Variants in DCC observed in about 807,000 individuals in gnomAD.
DCC encodes the protein netrin receptor DCC.
Under a neutral mutation model 172.5 loss-of-function variants are expected in DCC, and 58 were observed. The observed-to-expected ratio is 0.34, with a 90% CI of 0.27 to 0.42. The LOEUF (loss-of-function observed/expected upper bound fraction) is 0.42, where lower values mean the gene tolerates loss of function less well. Ranked by LOEUF, DCC falls within the 10% of genes least tolerant of loss-of-function variation. DCC has a pLI of 1.00. For missense variants in DCC, 1,740 were observed against 1,791.0 expected, an observed-to-expected ratio of 0.97 and a Z score of 0.51; for synonymous variants, 709 against 644.5, an observed-to-expected ratio of 1.10 and a Z score of -1.52.
At chr18:52,623,298 T>C (rs1002554519) in intron 1 of DCC, among the ~76,000 whole-genome samples, 12 of 152,320 alleles carry the variant, frequency 7.9e-5, no homozygotes, top group East Asian at 1.9e-4. Flanking sequence ...GAAGGAATAA[T>C]CAGCAGAACT....
chr18:53,496,837 A>G (rs7244049), intron 26 of DCC, among the ~76,000 whole-genome samples: 8,342 of 152,308 alleles, frequency 0.055, 623 homozygotes, highest in African/African-American at 0.17. Context: ...TGAAGCATAC[A>G]CAAGTATCAA....
At chr18:53,029,687 G>T (rs189056982) in intron 5 of DCC, among the ~76,000 whole-genome samples, 3 of 152,096 alleles carry the variant, frequency 2.0e-5, no homozygotes, top group East Asian at 3.9e-4. Context: ...ATTTGATTTT[G>T]ATTGAAGTAA....
chr18:53,184,017 A>ACC (rs1568352549), intron 9 of DCC, among the ~76,000 whole-genome samples: 63 of 151,554 alleles, frequency 4.2e-4, no homozygotes, highest in African/African-American at 1.4e-3. Flanking sequence ...AAAAAAAAAA[A>ACC]AAAAACTCCC....
rs9965447 is a variant in DCC, at chr18:52,530,466, G to A, written c.91+189588G>A. Among the ~76,000 whole-genome samples, 1,285 of 152,292 alleles carry A rather than the reference G, an allele frequency of 8.4e-3. 25 individuals are homozygous for A. Among genetic ancestry groups the A allele is most frequent in the African/African-American group, 0.03 (1,235 of 41,548 alleles). On this transcript the variant is annotated intron_variant, in intron 1 of 28. Transcript: ENST00000442544. ...ATAGTTACTAAACATTTCTTAGGAAGTCTCAGTTTTCTGAGATGCAAAATG... is the reference window on the plus strand; with the variant it reads ...ATAGTTACTAAACATTTCTTAGGAAATCTCAGTTTTCTGAGATGCAAAATG...
intron 22 of DCC, among the ~76,000 whole-genome samples, chr18:53,445,900 C>G (rs2145138871): frequency 6.6e-6 from 1 of 151,838 alleles, no homozygotes; most frequent in African/African-American, 2.4e-5. Context: ...CACTATTATG[C>G]TAACAGCAGA....
chr18:53,093,149 G>T (rs919673860), intron 7 of DCC, among the ~76,000 whole-genome samples: 3 of 152,092 alleles, frequency 2.0e-5, no homozygotes, highest in African/African-American at 7.2e-5. Context: ...GGGCGTGGGG[G>T]TGCATGCCTG....
Position 52,720,975 on chromosome 18 carries a change from C to T in DCC, c.92-31079C>T, listed in dbSNP as rs137992554. ...TCACATTGTCTTCCCAGCCGAAGCCCTCTTGTCTGAAGGATACCTAGTGTT... is the reference window on the plus strand; with the variant it reads ...TCACATTGTCTTCCCAGCCGAAGCCTTCTTGTCTGAAGGATACCTAGTGTT... On this transcript the variant is annotated intron_variant, in intron 1 of 28. Transcript: ENST00000442544. Among the ~76,000 whole-genome samples, 1,100 of 152,270 alleles carry T rather than the reference C, an allele frequency of 7.2e-3. 10 individuals are homozygous for T. Among genetic ancestry groups the T allele is most frequent in the African/African-American group, 0.026 (1,070 of 41,538 alleles).
At chr18:52,995,273 T>C (rs1473067751) in intron 5 of DCC, among the ~76,000 whole-genome samples, 3 of 152,098 alleles carry the variant, frequency 2.0e-5, no homozygotes, top group Non-Finnish European at 4.4e-5. Context: ...GTGGCACGTG[T>C]CAGGCTTCTT....
intron 14 of DCC, among the ~76,000 whole-genome samples, chr18:53,330,019 C>T (rs999450968): frequency 6.6e-6 from 1 of 152,122 alleles, no homozygotes; most frequent in Admixed American, 6.5e-5. Context: ...AAATGTTTTT[C>T]TTCTCTTACA....
chr18:52,944,416 C>G (rs545713141), intron 5 of DCC, among the ~76,000 whole-genome samples: 2 of 152,302 alleles, frequency 1.3e-5, no homozygotes, highest in Admixed American at 6.5e-5. Context: ...CCAAAACTAG[C>G]TGTGCAATTG....
At chr18:52,970,822 A>G (rs1045560882) in intron 5 of DCC, among the ~76,000 whole-genome samples, 6 of 152,172 alleles carry the variant, frequency 3.9e-5, no homozygotes, top group Admixed American at 3.9e-4. Context: ...AGTTAGTAAC[A>G]AGTGGAGCTT....
chr18:52,707,422 T>A (rs891442899), intron 1 of DCC, among the ~76,000 whole-genome samples: 1 of 152,192 alleles, frequency 6.6e-6, no homozygotes, highest in Non-Finnish European at 1.5e-5. Context: ...GAAAACTATA[T>A]ACAGCCATTA....
chr18:52,731,835 A>T (rs915842340), intron 1 of DCC, among the ~76,000 whole-genome samples: 1 of 152,174 alleles, frequency 6.6e-6, no homozygotes, highest in African/African-American at 2.4e-5. Context: ...TCAGACAATC[A>T]ATATGTTTCT....
chr18:52,551,275 G>A (rs909818326), intron 1 of DCC, among the ~76,000 whole-genome samples: 5 of 151,770 alleles, frequency 3.3e-5, no homozygotes, highest in South Asian at 2.1e-4. Context: ...AGGAGGGCTC[G>A]GAATAGAAAA....
At chr18:53,316,053 C>G (rs1316615689) in intron 13 of DCC, among the ~76,000 whole-genome samples, 2 of 152,182 alleles carry the variant, frequency 1.3e-5, no homozygotes, top group East Asian at 3.9e-4. Context: ...ATGCCTATGT[C>G]CTAGGTTTTC....
intron 5 of DCC, among the ~76,000 whole-genome samples, chr18:52,927,223 A>AGG (rs1435238278): frequency 1.7e-4 from 22 of 130,682 alleles, no homozygotes; most frequent in East Asian, 1.1e-3. Context: ...ATACACATAT[A>AGG]TGCACATATA....
chr18:53,005,280 G>A (rs1480950561), intron 5 of DCC, among the ~76,000 whole-genome samples: 2 of 152,222 alleles, frequency 1.3e-5, no homozygotes, highest in East Asian at 1.9e-4. Flanking sequence ...CAATTCTGTT[G>A]ACATTGGAAT....
At chr18:53,261,021 C>G (rs2056591433) in intron 12 of DCC, among the ~76,000 whole-genome samples, 1 of 152,152 alleles carries the variant, frequency 6.6e-6, no homozygotes, top group Non-Finnish European at 1.5e-5. Context: ...GATATAATCT[C>G]CTGGTGTGCC....
intron 1 of DCC, among the ~76,000 whole-genome samples, chr18:52,432,952 T>A (rs1292654283): frequency 1.3e-5 from 2 of 152,154 alleles, no homozygotes; most frequent in Admixed American, 6.6e-5. Flanking sequence ...CACTCTAACA[T>A]CTGGCCTTTC....
Sources: gnomAD v4.1 joint callset for allele counts (sites outside exome capture counted in the v4.1 genomes callset) on GRCh38, gnomAD v4.1.1 for gene constraint, MANE v1.5 for transcripts, NCBI Gene and HGNC (gene_info 2026-07-23, HGNC 2026-07-21) for gene names.